Variants in NEBL observed in about 807,000 individuals in gnomAD.
NEBL encodes LIM and SH3 protein 2.
In NEBL, 122 loss-of-function variants were observed where a neutral mutation model predicts 140.2. The observed-to-expected ratio is 0.87, with a 90% CI of 0.75 to 1.01. The LOEUF (loss-of-function observed/expected upper bound fraction) is 1.01, where lower values mean the gene tolerates loss of function less well. Among genes scored for constraint, NEBL ranks in the 50% least tolerant of loss-of-function variants. The pLI is 0.00. For missense variants in NEBL, 1,365 were observed against 1,231.3 expected, an observed-to-expected ratio of 1.11 and a Z score of -1.62; for synonymous variants, 436 against 398.9, an observed-to-expected ratio of 1.09 and a Z score of -1.11.
intron 26 of NEBL, among the ~76,000 whole-genome samples, chr10:20,800,715 G>GA (rs33962406): frequency 6.0e-5 from 9 of 150,448 alleles, no homozygotes; most frequent in East Asian, 2.0e-4. Flanking sequence ...TGCGATATTT[G>GA]AAAAAAAAAA....
At chr10:21,147,766 T>A (rs1368013400) in intron 2 of NEBL, among the ~76,000 whole-genome samples, 3 of 152,224 alleles carry the variant, frequency 2.0e-5, no homozygotes, top group African/African-American at 7.2e-5. Flanking sequence ...CCTCACAGTC[T>A]GCTTCACCCA....
At chr10:21,183,170 C>G (rs1302176466) in intron 3 of NEBL, among the ~76,000 whole-genome samples, 1 of 152,314 alleles carries the variant, frequency 6.6e-6, no homozygotes, top group South Asian at 2.1e-4. Context: ...ACACTCACCT[C>G]CCTCTCTGTT....
intron 4 of NEBL, among the ~76,000 whole-genome samples, chr10:20,959,987 A>G (rs1778355149): frequency 6.6e-6 from 1 of 152,094 alleles, no homozygotes; most frequent in Non-Finnish European, 1.5e-5. Context: ...GGTATTGAAT[A>G]AAATGTATAT....
chr10:20,843,416 T>G (rs181714123), intron 12 of NEBL, among the ~76,000 whole-genome samples: 167 of 151,996 alleles, frequency 1.1e-3, no homozygotes, highest in African/African-American at 3.8e-3. Flanking sequence ...TATTCTGAAT[T>G]AATAAATTAA....
intron 4 of NEBL, among the ~76,000 whole-genome samples, chr10:20,935,572 A>G (rs537791239): frequency 6.6e-6 from 1 of 152,182 alleles, no homozygotes; most frequent in Non-Finnish European, 1.5e-5. Context: ...GCAATGAGAG[A>G]CTGATTCTGG....
chr10:21,054,588 C>A (rs1834927405), intron 2 of NEBL, among the ~76,000 whole-genome samples: 1 of 152,080 alleles, frequency 6.6e-6, no homozygotes, highest in Non-Finnish European at 1.5e-5. Flanking sequence ...TTTTTCTAAG[C>A]CATTTTCAAT....
chr10:21,247,084 G>A (rs976329886), intron 3 of NEBL, among the ~76,000 whole-genome samples: 6 of 152,082 alleles, frequency 3.9e-5, no homozygotes, highest in Non-Finnish European at 8.8e-5. Flanking sequence ...ACCATGTGAA[G>A]ATGTGCCTGC....
At chr10:20,946,664 G>T (rs997754194) in intron 4 of NEBL, among the ~76,000 whole-genome samples, 2 of 152,044 alleles carry the variant, frequency 1.3e-5, no homozygotes, top group South Asian at 4.1e-4. Flanking sequence ...GTTTCACCAC[G>T]CTGTTGGCCA....
intron 2 of NEBL, among the ~76,000 whole-genome samples, chr10:21,139,999 A>C (rs1446560651): frequency 1.3e-5 from 2 of 151,620 alleles, no homozygotes; most frequent in African/African-American, 4.8e-5. Context: ...AAAAAAAAAA[A>C]AAAAAAAATA....
chr10:20,842,216 GT>G (rs1178160333), intron 12 of NEBL, among the ~76,000 whole-genome samples: 3 of 152,000 alleles, frequency 2.0e-5, no homozygotes, highest in African/African-American at 7.2e-5. Flanking sequence ...GGAATGGACT[GT>G]TTTATAATTT....
At chr10:21,227,711 T>TTCTTCTTCTTTCTTC (rs1456600511) in intron 3 of NEBL, among the ~76,000 whole-genome samples, 57 of 46,244 alleles carry the variant, frequency 1.2e-3, no homozygotes, top group Non-Finnish European at 1.8e-3. Flanking sequence ...CTTCTTCTTC[T>TTCTTCTTCTTTCTTC]TTCTTCTTCT....
rs1052896872 is a variant in NEBL, at chr10:21,093,564, C to A, written c.165-73363G>T. Among the ~76,000 whole-genome samples the A allele has an allele frequency of 7.9e-5, 12 of 152,250 alleles. 1 individual carries two copies. Among genetic ancestry groups the A allele is most frequent in the Admixed American group, 5.2e-4 (8 of 15,286 alleles). On this transcript the variant is annotated intron_variant, in intron 2 of 6. Coordinates refer to the NEBL transcript ENST00000417816. ...CCAAATTTCCAGTCTTGCCAACAAG[C>A]TGAAACAGGAGAAAGAATATGCAAC... is the stretch of plus-strand genomic sequence containing the variant.
chr10:21,194,565 T>C (rs983547006), intron 3 of NEBL, among the ~76,000 whole-genome samples: 6 of 152,298 alleles, frequency 3.9e-5, no homozygotes, highest in South Asian at 2.1e-4. Context: ...TTAAATGTTG[T>C]TTACTTAAGG....
In NEBL at chr10:20,942,414, C is replaced by A. The variant is rs181264056; in HGVS notation, c.357+19258G>T. Among the ~76,000 whole-genome samples, 604 of 152,282 alleles carry A rather than the reference C, an allele frequency of 4.0e-3. 2 individuals carry two copies. Among genetic ancestry groups the A allele is most frequent in the Non-Finnish European group, 6.3e-3 (428 of 68,024 alleles). ...TACAAAGCTGAAACTGGATCCCTTCCTTACACCTTATACAAAAATTAATTC... is the reference window on the plus strand; with the variant it reads ...TACAAAGCTGAAACTGGATCCCTTCATTACACCTTATACAAAAATTAATTC... On this transcript the variant is annotated intron_variant, in intron 4 of 6. Coordinates refer to the NEBL transcript ENST00000417816.
intron 2 of NEBL, among the ~76,000 whole-genome samples, chr10:21,167,190 C>G (rs4748753): frequency 0.48 from 72,574 of 152,000 alleles, 20,962 homozygotes; most frequent in African/African-American, 0.81. Flanking sequence ...CACAGGCAGA[C>G]CGAAAGTAAA....
intron 4 of NEBL, among the ~76,000 whole-genome samples, chr10:20,912,909 G>A (rs1023244034): frequency 4.3e-4 from 58 of 135,208 alleles, no homozygotes; most frequent in Non-Finnish European, 8.0e-4. Flanking sequence ...TTTAGACAGA[G>A]TCTCTCTCTG....
At chr10:20,860,347 T>A (rs1345418027) in intron 7 of NEBL, among the ~76,000 whole-genome samples, 1 of 152,022 alleles carries the variant, frequency 6.6e-6, no homozygotes. Flanking sequence ...CAACTTAATG[T>A]CAATGTAAAA....
chr10:21,045,181 C>A (rs1215312140), intron 2 of NEBL, among the ~76,000 whole-genome samples: 2 of 152,044 alleles, frequency 1.3e-5, no homozygotes, highest in African/African-American at 4.8e-5. Context: ...AGTGAGTAAT[C>A]TTTTTTATGG....
At chr10:21,273,608 T>C (rs1842884458) in intron 1 of NEBL, among the ~76,000 whole-genome samples, 1 of 152,182 alleles carries the variant, frequency 6.6e-6, no homozygotes, top group Non-Finnish European at 1.5e-5. Flanking sequence ...AGTGTTGCTC[T>C]GTGGACCAGC....
Sources: allele counts gnomAD v4.1 joint callset (sites outside exome capture counted in the v4.1 genomes callset), GRCh38; gene constraint gnomAD v4.1.1; transcripts MANE v1.5; gene names NCBI Gene and HGNC (gene_info 2026-07-23, HGNC 2026-07-21).